Variants in CPSF3 observed in about 807,000 individuals in gnomAD.
The protein encoded by CPSF3 is cleavage and polyadenylation specific factor 3.
In CPSF3, 57 loss-of-function variants were observed where a neutral mutation model predicts 84.1. The observed-to-expected ratio is 0.68, with a 90% CI of 0.55 to 0.85. The LOEUF is 0.85. Ranked by LOEUF, CPSF3 falls within the 40% of genes least tolerant of loss-of-function variation. The pLI is 0.00. For synonymous variants in CPSF3, 275 were observed against 278.1 expected (o/e 0.99, Z 0.11); for missense variants, 522 against 838.8 (o/e 0.62, Z 4.66).
rs544628105 is a variant in CPSF3, at chr2:9,441,342, A to G, written c.937-476A>G. On this transcript the variant is annotated intron_variant, in intron 8 of 17. Transcript: ENST00000238112. The stretch of plus-strand genomic sequence containing the variant: ...CTTTGTTCATAAAGTATTTATTTTA[A>G]GTTAACTGCTTAAGGATTGTAGACA... 7.2e-4 allele frequency among the ~76,000 whole-genome samples: 109 copies of G among 152,364 alleles called. 1 individual carries two copies. The highest frequency in any genetic ancestry group is 6.9e-3 in the Admixed American group (106 of 15,310).
At chr2:9,440,464 T>A (rs1311422889) in intron 7 of CPSF3, 27 bp from the exon 8 acceptor site, 1 of 1,593,674 alleles carries the variant, frequency 6.3e-7, no homozygotes, top group South Asian at 1.1e-5. Flanking sequence ...AACAAAGTGA[T>A]GTTTGTTTCT....
chr2:9,447,269 C>G (rs1163237406), intron 10 of CPSF3, among the ~76,000 whole-genome samples: 1 of 151,600 alleles, frequency 6.6e-6, no homozygotes, highest in Non-Finnish European at 1.5e-5. Context: ...CACTTGAGCC[C>G]AGGAGTTCAA....
In CPSF3 at chr2:9,440,652, A is replaced by G; in HGVS notation, c.922A>G (p.Ile308Val). 1 of 1,614,190 alleles carries G rather than the reference A, an allele frequency of 6.2e-7. No individual in the cohort carries two copies. The highest frequency in any genetic ancestry group is 8.5e-7 in the Non-Finnish European group (1 of 1,180,026). Residue 308 changes from isoleucine (I) to valine (V), a missense_variant, in exon 8 of 18, where the codon ATT (isoleucine) becomes GTT (valine). By Grantham distance (29) the Ile-to-Val change is conservative. Coordinates refer to ENST00000238112, the MANE Select transcript of CPSF3 (RefSeq NM_016207.4). Reference sequence around the variant, plus strand: ...CAATAATCCCTTTGTTTTCAAACACATTAGTAACCTCAAGGTGAGTGCTTG... The same window carrying G: ...CAATAATCCCTTTGTTTTCAAACACGTTAGTAACCTCAAGGTGAGTGCTTG... ...NINNPFVFKHISNLKSMDHFD... is the reference protein window; with the variant it reads ...NINNPFVFKHVSNLKSMDHFD...
At chr2:9,437,997 G>A (rs1419480039) in intron 7 of CPSF3, among the ~76,000 whole-genome samples, 1 of 152,148 alleles carries the variant, frequency 6.6e-6, no homozygotes, top group Non-Finnish European at 1.5e-5. Flanking sequence ...ATGAGACCCT[G>A]TCTCAAAAAA....
intron 11 of CPSF3, among the ~76,000 whole-genome samples, chr2:9,448,555 A>ATT (rs796618088): frequency 3.7e-4 from 55 of 148,044 alleles, no homozygotes; most frequent in South Asian, 1.3e-3. Flanking sequence ...GCTAGATTAG[A>ATT]TTTTTTGTGT....
chr2:9,428,408 A>G (rs1049718799), intron 1 of CPSF3, among the ~76,000 whole-genome samples: 1 of 152,202 alleles, frequency 6.6e-6, no homozygotes, highest in African/African-American at 2.4e-5. Flanking sequence ...ATTATTATAT[A>G]ATCTGCGTAA....
chr2:9,472,949 G>T lies in CPSF3; in HGVS notation c.1987G>T (p.Glu663Ter). 1 of 1,613,942 alleles carries T rather than the reference G, an allele frequency of 6.2e-7. No homozygotes were observed. The highest frequency in any genetic ancestry group is 8.5e-7 in the Non-Finnish European group (1 of 1,179,892). ...VECEEGSEDD[E>*]SLREMVELAA... The stretch of plus-strand genomic sequence containing the variant: ...ATGTGAAGAGGGAAGTGAAGACGAT[G>T]AATCCCTCCGAGAAATGGTGGAGCT... The change falls in exon 18 of 18, where the codon GAA becomes TAA. Residue 663 changes from glutamate to a stop codon, truncating the protein, a stop_gained. Coordinates refer to ENST00000238112, the MANE Select transcript of CPSF3 (RefSeq NM_016207.4). LOFTEE classifies it high-confidence loss of function.
In CPSF3 at chr2:9,453,018, T is replaced by G. The variant is rs762688074; in HGVS notation, c.1501T>G (p.Ser501Ala). Reference sequence around the variant, plus strand: ...TCACATACTTTCTCCTTGCGACCTGTCCAGTAAGTATACTATTAAATGTCA... The same window carrying G: ...TCACATACTTTCTCCTTGCGACCTGGCCAGTAAGTATACTATTAAATGTCA... ...NYHILSPCDL[S>A]NYTDLAMSTV... Residue 501 changes from serine (S) to alanine (A), a missense_variant, in exon 12 of 18, where the codon TCC (serine) becomes GCC (alanine). Transcript: ENST00000238112. The G allele has an allele frequency of 6.4e-7, 1 of 1,571,788 alleles. No homozygotes were observed. Among genetic ancestry groups the G allele is most frequent in the Admixed American group, 1.8e-5 (1 of 54,648 alleles).
At chr2:9,466,263 CAA>C (rs1374171797) in intron 15 of CPSF3, among the ~76,000 whole-genome samples, 33 of 47,022 alleles carry the variant, frequency 7.0e-4, no homozygotes, top group African/African-American at 1.2e-3. Flanking sequence ...CACACGCACA[CAA>C]AGACGCACGC....
Position 9,465,873 on chromosome 2 carries a change from T to G in CPSF3, c.1787-1834T>G, listed in dbSNP as rs565004251. 4.3e-4 allele frequency among the ~76,000 whole-genome samples: 65 copies of G among 151,190 alleles called. No individual in the cohort carries two copies. The Middle Eastern group carries it at 0.01, about 24-fold the overall frequency. Reference sequence around the variant, plus strand: ...GATGACAATATCCATATATATGGGGTGTGTGTGTGTGTGTTGTCTGAAGGA... The same window carrying G: ...GATGACAATATCCATATATATGGGGGGTGTGTGTGTGTGTTGTCTGAAGGA... On this transcript the variant is annotated intron_variant, in intron 15 of 17. Coordinates refer to ENST00000238112, the MANE Select transcript of CPSF3 (RefSeq NM_016207.4).
intron 16 of CPSF3, among the ~76,000 whole-genome samples, chr2:9,469,191 G>A (rs758815596): frequency 3.3e-5 from 5 of 152,146 alleles, no homozygotes; most frequent in Admixed American, 6.5e-5. Flanking sequence ...GTCTGCCAGC[G>A]TTGAAGTCTG....
At position 9,456,920 on chromosome 2, in the gene CPSF3, G is replaced by A. The variant is rs1314713641; in HGVS notation, c.1604-13G>A. The stretch of plus-strand genomic sequence containing the variant: ...AAAAGTATATACATCTTATAGTTAT[G>A]TCTTTCTTTCAGGTGATGTGGAAGA... On this transcript the variant is annotated splice_polypyrimidine_tract_variant and intron_variant, in intron 13 of 17. Transcript: ENST00000238112. The A allele has an allele frequency of 4.0e-6, 6 of 1,485,410 alleles. No homozygotes were observed. Among genetic ancestry groups the A allele is most frequent in the Non-Finnish European group, 5.6e-6 (6 of 1,075,800 alleles). The allele number at this position is 1,485,410 out of a possible 1,614,324, so 92.0% of individuals were successfully genotyped here.
intron 10 of CPSF3, among the ~76,000 whole-genome samples, chr2:9,445,981 C>A (rs1016827313): frequency 3.3e-5 from 5 of 152,204 alleles, no homozygotes; most frequent in African/African-American, 1.2e-4. Flanking sequence ...AGCTGTTCTG[C>A]AGATGAGACA....
At chr2:9,435,872 A>G (rs1244353962) in intron 6 of CPSF3, among the ~76,000 whole-genome samples, 1 of 151,676 alleles carries the variant, frequency 6.6e-6, no homozygotes, top group Non-Finnish European at 1.5e-5. Flanking sequence ...AGCTGGGATT[A>G]CAGGCGCCCA....
intron 17 of CPSF3, 121 bp downstream of exon 17, chr2:9,471,560 C>G (rs1167118636): frequency 1.5e-6 from 1 of 668,164 alleles, no homozygotes; most frequent in Non-Finnish European, 2.7e-6. Context: ...TCCAGTGTTT[C>G]CAACATTTTT....
chr2:9,423,747 C>A lies in CPSF3; in HGVS notation c.-27C>A, dbSNP rs188841634. The A allele has an allele frequency of 5.6e-6, 9 of 1,612,244 alleles. No homozygotes were observed. In the African/African-American group the frequency reaches 1.2e-4, roughly 22 times the overall value. ...GAAGACCCCGGCGACCTGTTCCTCA[C>A]CCCCGCTTCGCCCTCACACTTTCGG... On this transcript the variant is annotated 5_prime_UTR_variant, in exon 1 of 18. Transcript: ENST00000238112.
Position 9,459,599 on chromosome 2 carries a change from A to C in CPSF3, c.1767A>C (p.Ser589=). The part of the protein sequence containing the change: ...TVTTVILEVQ[S]NPKIRKGAVQ... ...CAACTGTGATATTGGAAGTTCAGTC[A>C]AATCCCAAAATAAGAAAAGGTAAGA... is the stretch of plus-strand genomic sequence containing the variant. The change falls in exon 15 of 18, where the codon TCA becomes TCC. Residue 589 remains serine (S), a synonymous_variant. Coordinates refer to ENST00000238112, the MANE Select transcript of CPSF3 (RefSeq NM_016207.4). 2 of 1,580,588 alleles carry C rather than the reference A, an allele frequency of 1.3e-6. No homozygotes were observed. The highest frequency in any genetic ancestry group is 1.7e-6 in the Non-Finnish European group (2 of 1,158,876).
intron 15 of CPSF3, among the ~76,000 whole-genome samples, chr2:9,466,356 A>T (rs13015364): frequency 6.4e-5 from 9 of 140,016 alleles, no homozygotes; most frequent in African/African-American, 1.8e-4. Context: ...GCGCGCGCAC[A>T]CACACACGCA....
chr2:9,424,282 G>C, intron 1 of CPSF3: 1 of 985,174 alleles, frequency 1.0e-6, no homozygotes, highest in Non-Finnish European at 1.2e-6. Flanking sequence ...ACATGTGCCA[G>C]AAGTTAGAAA....
Sources: allele counts gnomAD v4.1 joint callset (sites outside exome capture counted in the v4.1 genomes callset), GRCh38; gene constraint gnomAD v4.1.1; transcripts MANE v1.5; gene names NCBI Gene and HGNC (gene_info 2026-07-23, HGNC 2026-07-21).